MAP2K3: variants seen among roughly 807,000 people sequenced by gnomAD.
MAP2K3 encodes the protein dual specificity mitogen-activated protein kinase kinase 3.
Under a neutral mutation model 46.4 loss-of-function variants are expected in MAP2K3, and 30 were observed. The observed-to-expected ratio is 0.65, with a 90% CI of 0.48 to 0.88. The LOEUF (loss-of-function observed/expected upper bound fraction) is 0.88, where lower values mean the gene tolerates loss of function less well. Among genes scored for constraint, MAP2K3 ranks in the 40% least tolerant of loss-of-function variants. The pLI is 0.00. For missense variants in MAP2K3, 380 were observed against 464.5 expected (o/e 0.82, Z 1.67); for synonymous variants, 189 against 176.3 (o/e 1.07, Z -0.57).
In MAP2K3 at chr17:21,298,915, A is replaced by G. The variant is rs1356564972; in HGVS notation, c.154A>G (p.Ile52Val). ...RNLDSRTFIT[I>V]GDRNFEVEAD... ...CCTGGACTCCCGGACCTTCATCACCATTGGAGACAGAGTAGGTGCCAGCCG... is the reference window on the plus strand; with the variant it reads ...CCTGGACTCCCGGACCTTCATCACCGTTGGAGACAGAGTAGGTGCCAGCCG... The change falls in exon 3 of 12, where the codon ATT (isoleucine) becomes GTT (valine). Residue 52 changes from isoleucine (I) to valine (V), a missense_variant. Ile to Val is a conservative substitution (Grantham distance 29, BLOSUM62 3). Transcript: ENST00000342679. 2 of 1,614,184 alleles carry G rather than the reference A, an allele frequency of 1.2e-6. No individual in the cohort carries two copies. The highest frequency in any genetic ancestry group is 2.7e-5 in the African/African-American group (2 of 74,968).
At chr17:21,302,788 C>T (rs955566391) in intron 6 of MAP2K3, among the ~76,000 whole-genome samples, 3 of 152,312 alleles carry the variant, frequency 2.0e-5, no homozygotes, top group Non-Finnish European at 2.9e-5. Flanking sequence ...TTACAATATA[C>T]CCCTGCCTCA....
intron 2 of MAP2K3, among the ~76,000 whole-genome samples, 171 bp downstream of exon 2, chr17:21,298,650 C>A (rs551564502): frequency 6.6e-6 from 1 of 152,310 alleles, no homozygotes; most frequent in Non-Finnish European, 1.5e-5. Flanking sequence ...CATGCAGCAC[C>A]ATTTGCTCTG....
At chr17:21,295,801 C>G in intron 1 of MAP2K3, 1 of 1,280,328 alleles carries the variant, frequency 7.8e-7, no homozygotes, top group Admixed American at 2.3e-5. Context: ...GAAGGGGGGG[C>G]CACATGATAC....
intron 1 of MAP2K3, among the ~76,000 whole-genome samples, chr17:21,292,152 G>A (rs978468820): frequency 1.3e-5 from 2 of 152,312 alleles, no homozygotes; most frequent in Non-Finnish European, 2.9e-5. Flanking sequence ...CCTCCAGCCT[G>A]AGCAGCCTGC....
At chr17:21,294,695 C>T (rs1976141232) in intron 1 of MAP2K3, among the ~76,000 whole-genome samples, 1 of 152,304 alleles carries the variant, frequency 6.6e-6, no homozygotes, top group Non-Finnish European at 1.5e-5. Context: ...AGAGGGTGGA[C>T]AGGGGTGGTC....
chr17:21,298,219 T>C (rs1976371453), intron 1 of MAP2K3, 194 bp from the exon 2 acceptor site: 7 of 817,920 alleles, frequency 8.6e-6, no homozygotes, highest in Non-Finnish European at 1.5e-5. Flanking sequence ...TGTCCTGCTC[T>C]GCTCCCCTGC....
chr17:21,296,299 T>C, intron 1 of MAP2K3: 1 of 829,198 alleles, frequency 1.2e-6, no homozygotes, highest in Non-Finnish European at 1.7e-6. Context: ...AGAGCTGGAG[T>C]TTACCACGGC....
Position 21,298,641 on chromosome 17 carries a change from A to G in MAP2K3, c.116+162A>G, listed in dbSNP as rs533307484. Among the ~76,000 whole-genome samples the G allele has an allele frequency of 2.0e-5, 3 of 152,428 alleles. No homozygotes were observed. In the East Asian group the frequency reaches 5.8e-4, roughly 29 times the overall value. On this transcript the variant is annotated intron_variant, in intron 2 of 11. Coordinates refer to ENST00000342679, the MANE Select transcript of MAP2K3 (RefSeq NM_145109.3). ...GCCAGGTGACGGCTGCTGGGGGTTC[A>G]TGCAGCACCATTTGCTCTGCTCTGC...
intron 9 of MAP2K3, among the ~76,000 whole-genome samples, chr17:21,310,524 C>T (rs551451769): frequency 2.4e-4 from 37 of 152,384 alleles, no homozygotes; most frequent in African/African-American, 7.7e-4. Flanking sequence ...CGGCCTCCCC[C>T]CATCCTGCAA....
At chr17:21,288,012 C>T (rs1245077465) in intron 1 of MAP2K3, 1 of 1,289,130 alleles carries the variant, frequency 7.8e-7, no homozygotes, top group Non-Finnish European at 1.0e-6. Context: ...TCAGCCAACC[C>T]ATGGCCCAGC....
chr17:21,298,113 A>G (rs1352375401), intron 1 of MAP2K3, among the ~76,000 whole-genome samples: 2 of 152,310 alleles, frequency 1.3e-5, no homozygotes, highest in African/African-American at 4.8e-5. Flanking sequence ...AGGACACCTC[A>G]CAGATGGGGA....
At chr17:21,287,707 A>G (rs898743684) in intron 1 of MAP2K3, among the ~76,000 whole-genome samples, 2 of 152,178 alleles carry the variant, frequency 1.3e-5, no homozygotes, top group African/African-American at 4.8e-5. Context: ...TGCAAGCCAC[A>G]TTTGTCCTTG....
Position 21,314,509 on chromosome 17 carries a change from G to T in MAP2K3, c.*279G>T. 2.1e-6 allele frequency: 1 copy of T among 466,522 alleles called. No individual in the cohort carries two copies. Among genetic ancestry groups the T allele is most frequent in the Non-Finnish European group, 3.9e-6 (1 of 255,478 alleles). 28.9% of individuals were successfully genotyped at this position (466,522 alleles called of 1,614,324 possible). A position where few individuals can be genotyped will look rare whatever the true frequency, so the allele number is the denominator to read the frequency against. On this transcript the variant is annotated 3_prime_UTR_variant, in exon 12 of 12. Transcript: ENST00000342679. The stretch of plus-strand genomic sequence containing the variant: ...AGCTGCTGAGATCCTGGACTGAGGG[G>T]GCCTGGATGCCCCCTGTGGATGCTG...
chr17:21,305,731 G>A (rs575383334), intron 9 of MAP2K3, among the ~76,000 whole-genome samples: 167 of 152,000 alleles, frequency 1.1e-3, no homozygotes, highest in Non-Finnish European at 1.7e-3. Context: ...GGGTGAGCCC[G>A]CTCTGGCTCC....
intron 3 of MAP2K3, 45 bp downstream of exon 3, chr17:21,298,971 A>G (rs768903654): frequency 1.2e-6 from 2 of 1,613,228 alleles, no homozygotes; most frequent in Non-Finnish European, 1.7e-6. Flanking sequence ...ACTTCACCTG[A>G]CGAGCGGGTA....
At chr17:21,303,316 G>A (rs1976710518) in intron 7 of MAP2K3, 82 bp downstream of exon 7, 3 of 1,588,626 alleles carry the variant, frequency 1.9e-6, no homozygotes, top group African/African-American at 1.3e-5. Flanking sequence ...CTCCCTATGA[G>A]CAACTGTGGC....
chr17:21,294,602 G>A (rs548207053), intron 1 of MAP2K3, among the ~76,000 whole-genome samples: 10 of 152,424 alleles, frequency 6.6e-5, no homozygotes, highest in African/African-American at 2.4e-4. Context: ...CGCCCACCGT[G>A]TGGCCTCTCT....
intron 1 of MAP2K3, chr17:21,295,615 C>G: frequency 7.8e-7 from 1 of 1,286,850 alleles, no homozygotes; most frequent in Non-Finnish European, 1.0e-6. Context: ...CCTCTGACAG[C>G]TGGGTGGCTT....
intron 9 of MAP2K3, among the ~76,000 whole-genome samples, chr17:21,311,058 TGCACACACACGCAGTGG>T (rs1214577622): frequency 3.3e-5 from 5 of 152,080 alleles, no homozygotes; most frequent in Non-Finnish European, 7.4e-5. Context: ...CATGCACACA[TGCACACACACGCAGTGG>T]GCCCTGCCTG....
Sources: gnomAD v4.1 joint callset for allele counts (sites outside exome capture counted in the v4.1 genomes callset) on GRCh38, gnomAD v4.1.1 for gene constraint, MANE v1.5 for transcripts, NCBI Gene and HGNC (gene_info 2026-07-23, HGNC 2026-07-21) for gene names.